DCLK3: variants seen among roughly 807,000 people sequenced by gnomAD.
The protein encoded by DCLK3 is serine/threonine-protein kinase DCLK3.
In DCLK3, 30 loss-of-function variants were observed where a neutral mutation model predicts 46.4. The observed-to-expected ratio is 0.65, with a 90% CI of 0.48 to 0.88. The LOEUF (loss-of-function observed/expected upper bound fraction) is 0.88, where lower values mean the gene tolerates loss of function less well. Among genes scored for constraint, DCLK3 ranks in the 40% least tolerant of loss-of-function variants. The pLI is 0.00. For missense variants in DCLK3, 846 were observed against 907.1 expected (o/e 0.93, Z 0.87); for synonymous variants, 401 against 339.2 (o/e 1.18, Z -2.00).
In DCLK3 at chr3:36,718,020, A is replaced by G; in HGVS notation, c.2250T>C (p.Asn750=). The change falls in exon 4 of 5, where the codon AAT becomes AAC. Residue 750 remains asparagine, a synonymous_variant. Transcript: ENST00000636136. ...HFEFLPPYWD[N]ISDAAKDLVS... ...AGCCCCAAATCTCACCATCAGAGAT[A>G]TTGTCCCAGTAAGGGGGGAGGAACT... 6.2e-7 allele frequency: 1 copy of G among 1,614,120 alleles called. No homozygotes were observed. Among genetic ancestry groups the G allele is most frequent in the East Asian group, 2.2e-5 (1 of 44,876 alleles).
At chr3:36,747,966 A>T (rs1342890878) in intron 1 of DCLK3, among the ~76,000 whole-genome samples, 1 of 152,230 alleles carries the variant, frequency 6.6e-6, no homozygotes, top group East Asian at 1.9e-4. Flanking sequence ...TTGCTTTGCC[A>T]AAGTGGTTAG....
In DCLK3 at chr3:36,719,194, G is replaced by A. The variant is rs184987468; in HGVS notation, c.2093-1017C>T. On this transcript the variant is annotated intron_variant, in intron 3 of 4. Transcript: ENST00000636136. ...ACCTTCCAGCAATGAAATAGACAAA[G>A]CAATATACAGTAAAGGTTTTTGATA... is the stretch of plus-strand genomic sequence containing the variant. Among the ~76,000 whole-genome samples, 397 of 152,156 alleles carry A rather than the reference G, an allele frequency of 2.6e-3. 4 individuals carry two copies. The highest frequency in any genetic ancestry group is 1.0e-3 in the Non-Finnish European group (70 of 68,004).
rs775252078 is a variant in DCLK3, at chr3:36,737,586, A to T, written c.1581T>A (p.Thr527=). 7 of 1,613,952 alleles carry T rather than the reference A, an allele frequency of 4.3e-6. No individual in the cohort carries two copies. Among genetic ancestry groups the T allele is most frequent in the Non-Finnish European group, 5.9e-6 (7 of 1,180,012 alleles). The change falls in exon 2 of 5, where the codon ACT becomes ACA. Residue 527 remains threonine (T), a synonymous_variant. Coordinates refer to ENST00000636136, the MANE Select transcript of DCLK3 (RefSeq NM_001394672.2). This position sits in a 1 kb window ranked among gnomAD's most constrained non-coding sequence, Gnocchi z 4.4. The part of the protein sequence containing the change: ...IAANVEKHYE[T]GRVIGDGNFA... ...AGTTCCCATCCCCAATGACCCGGCC[A>T]GTCTCATAATGCTTTTCCACATTGG...
intron 1 of DCLK3, among the ~76,000 whole-genome samples, chr3:36,761,834 C>G (rs1260109060): frequency 6.6e-6 from 1 of 152,202 alleles, no homozygotes; most frequent in South Asian, 2.1e-4. Context: ...CGCCTGCAGG[C>G]TGCAGGATTG....
intron 1 of DCLK3, among the ~76,000 whole-genome samples, chr3:36,743,837 C>T (rs777230810): frequency 1.2e-4 from 19 of 152,022 alleles, no homozygotes; most frequent in Non-Finnish European, 2.6e-4. Context: ...AATTCCAACC[C>T]ACTCCACCTC....
chr3:36,719,690 G>A (rs986293729), intron 3 of DCLK3, among the ~76,000 whole-genome samples: 3 of 152,118 alleles, frequency 2.0e-5, no homozygotes, highest in African/African-American at 7.2e-5. Context: ...GAGTCTCAAA[G>A]CCACATGTTC....
At chr3:36,724,149 G>A (rs1007977652) in intron 2 of DCLK3, among the ~76,000 whole-genome samples, 3 of 152,170 alleles carry the variant, frequency 2.0e-5, no homozygotes, top group Non-Finnish European at 2.9e-5. Flanking sequence ...TGACTGCCCC[G>A]CTAGATTTCA....
rs1160880914 is a variant in DCLK3, at chr3:36,739,083, T to G, written c.84A>C (p.Gly28=). 2.5e-6 allele frequency: 1 copy of G among 398,482 alleles called. No individual in the cohort carries two copies. The highest frequency in any genetic ancestry group is 4.4e-6 in the Non-Finnish European group (1 of 226,086). The allele number at this position is 398,482 out of a possible 1,614,324, so 24.7% of individuals were successfully genotyped here. A position where few individuals can be genotyped will look rare whatever the true frequency, so the allele number is the denominator to read the frequency against. The change falls in exon 2 of 5, where the codon GGA becomes GGC. Residue 28 remains glycine, a splice_region_variant and synonymous_variant. Coordinates refer to ENST00000636136, the MANE Select transcript of DCLK3 (RefSeq NM_001394672.2). ...APACPARPAP[G]QQGLCDHSLK... ...GAGAATGGTCACATAGGCCTTGCTG[T>G]CCTGCAACAAGAAAAGGACAACAGA...
In DCLK3 at chr3:36,725,550, G is replaced by A. The variant is rs542528203; in HGVS notation, c.1960-3891C>T. On this transcript the variant is annotated intron_variant, in intron 2 of 4. Coordinates refer to ENST00000636136, the MANE Select transcript of DCLK3 (RefSeq NM_001394672.2). ...GAGGATCACTAGAGCCTGAGAAGTCGAGGCTGCAGTGTGCCATGATTGCAC... is the reference window on the plus strand; with the variant it reads ...GAGGATCACTAGAGCCTGAGAAGTCAAGGCTGCAGTGTGCCATGATTGCAC... 8.7e-4 allele frequency among the ~76,000 whole-genome samples: 133 copies of A among 152,270 alleles called. 3 individuals are homozygous for A. The highest frequency in any genetic ancestry group is 8.5e-3 in the Admixed American group (130 of 15,290).
At chr3:36,725,591 TGAG>T (rs1344329574) in intron 2 of DCLK3, among the ~76,000 whole-genome samples, 1 of 152,224 alleles carries the variant, frequency 6.6e-6, no homozygotes, top group Non-Finnish European at 1.5e-5. Context: ...CACTCCATCC[TGAG>T]CAACAGAGTA....
intron 2 of DCLK3, among the ~76,000 whole-genome samples, chr3:36,731,136 G>C (rs1308987968): frequency 6.6e-6 from 1 of 152,136 alleles, no homozygotes; most frequent in Admixed American, 6.5e-5. Flanking sequence ...CCAGTGTCTG[G>C]TCAGAGGTGG....
rs1257121371 is a variant in DCLK3 at position 36,738,481 on chromosome 3, G to C, written c.686C>G (p.Pro229Arg). 6.7e-7 allele frequency: 1 copy of C among 1,488,456 alleles called. No homozygotes were observed. Among genetic ancestry groups the C allele is most frequent in the Non-Finnish European group, 8.9e-7 (1 of 1,120,948 alleles). 92.2% of individuals were successfully genotyped at this position (1,488,456 alleles called of 1,614,324 possible). A position where few individuals can be genotyped will look rare whatever the true frequency, so the allele number is the denominator to read the frequency against. ...GDHRCGETETPKSCSEVAGCK... is the reference protein window; with the variant it reads ...GDHRCGETETRKSCSEVAGCK... ...TCCTGCAACTTCGCTGCAGCTCTTG[G>C]GGGTCTCGGTCTCCCCACAGCGGTG... Residue 229 changes from proline to arginine, a missense_variant, in exon 2 of 5, where the codon CCC becomes CGC. Pro to Arg is a moderately radical substitution (Grantham distance 103, BLOSUM62 -2). Transcript: ENST00000636136.
chr3:36,729,342 G>A (rs918053952), intron 2 of DCLK3, among the ~76,000 whole-genome samples: 2 of 150,886 alleles, frequency 1.3e-5, no homozygotes, highest in African/African-American at 4.9e-5. Flanking sequence ...AGCTAAACTC[G>A]CTGCTCTGGG....
At chr3:36,729,292 T>C (rs1489437948) in intron 2 of DCLK3, among the ~76,000 whole-genome samples, 3 of 151,834 alleles carry the variant, frequency 2.0e-5, no homozygotes, top group African/African-American at 7.3e-5. Context: ...CATCTCACTT[T>C]GCCCTCACCC....
chr3:36,760,640 A>AAAGG (rs1575149352), intron 1 of DCLK3, among the ~76,000 whole-genome samples: 6 of 152,140 alleles, frequency 3.9e-5, no homozygotes, highest in African/African-American at 1.2e-4. Flanking sequence ...AAAAAGAAAG[A>AAAGG]AACAACATCT....
At chr3:36,724,806 C>T (rs1701105515) in intron 2 of DCLK3, among the ~76,000 whole-genome samples, 1 of 152,076 alleles carries the variant, frequency 6.6e-6, no homozygotes, top group African/African-American at 2.4e-5. Context: ...CAGACTAATA[C>T]ATACCCACAA....
chr3:36,718,298 C>T (rs1288916373), intron 3 of DCLK3, 121 bp from the exon 4 acceptor site: 18 of 1,403,650 alleles, frequency 1.3e-5, no homozygotes, highest in Non-Finnish European at 1.7e-5. Flanking sequence ...TCCCAGCTCT[C>T]AGCAACCAAG....
chr3:36,720,948 A>G (rs1701047083), intron 3 of DCLK3, among the ~76,000 whole-genome samples: 1 of 152,212 alleles, frequency 6.6e-6, no homozygotes, highest in African/African-American at 2.4e-5. Flanking sequence ...CTGGAGTGCC[A>G]CAGTAGTCAA....
At chr3:36,725,262 A>T (rs1465200053) in intron 2 of DCLK3, among the ~76,000 whole-genome samples, 2 of 145,640 alleles carry the variant, frequency 1.4e-5, no homozygotes, top group Admixed American at 1.4e-4. Flanking sequence ...AAGTGAGCTG[A>T]GCTCGCGCCA....
Sources: allele counts gnomAD v4.1 joint callset (sites outside exome capture counted in the v4.1 genomes callset), GRCh38; gene constraint gnomAD v4.1.1; non-coding constraint Gnocchi (gnomAD v3.1); transcripts MANE v1.5; gene names NCBI Gene and HGNC (gene_info 2026-07-23, HGNC 2026-07-21).